Variants in TRIM24 observed in about 807,000 individuals in gnomAD.
TRIM24 encodes the protein tripartite motif containing 24.
A neutral mutation model predicts 123.9 loss-of-function variants in TRIM24; 29 were observed. That is an observed-to-expected ratio of 0.23 (90% CI 0.17 to 0.32). The LOEUF is 0.32. TRIM24 is among the 10% of genes least tolerant of loss of function. The probability of loss-of-function intolerance (pLI) is 1.00; values close to 1 mark genes in which losing one functional copy is unlikely to be tolerated. For missense variants in TRIM24, 932 were observed against 1,295.3 expected, an observed-to-expected ratio of 0.72 and a Z score of 4.31; for synonymous variants, 456 against 461.1, an observed-to-expected ratio of 0.99 and a Z score of 0.14.
At chr7:138,502,586 C>T (rs1796064973) in intron 1 of TRIM24, among the ~76,000 whole-genome samples, 1 of 152,252 alleles carries the variant, frequency 6.6e-6, no homozygotes, top group East Asian at 1.9e-4. Context: ...TATGTGACCA[C>T]GGGCCAGTCG....
chr7:138,555,356 C>T (rs1797294354), intron 9 of TRIM24, among the ~76,000 whole-genome samples: 1 of 152,124 alleles, frequency 6.6e-6, no homozygotes, highest in Non-Finnish European at 1.5e-5. Context: ...AACCACATTG[C>T]ATCTTAGAAA....
chr7:138,530,715 G>A (rs1796714146), intron 6 of TRIM24, among the ~76,000 whole-genome samples: 1 of 151,774 alleles, frequency 6.6e-6, no homozygotes, highest in Non-Finnish European at 1.5e-5. Flanking sequence ...CAGTCTGTCT[G>A]CCTCAGCCTC....
At chr7:138,475,441 T>C (rs1795376189) in intron 1 of TRIM24, among the ~76,000 whole-genome samples, 1 of 152,202 alleles carries the variant, frequency 6.6e-6, no homozygotes, top group Non-Finnish European at 1.5e-5. Flanking sequence ...ATAGTGATAT[T>C]AGTAAATGGG....
intron 7 of TRIM24, among the ~76,000 whole-genome samples, chr7:138,549,641 GAGA>G (rs2116627683): frequency 6.6e-6 from 1 of 152,342 alleles, no homozygotes; most frequent in Admixed American, 6.5e-5. Flanking sequence ...GGAAGAATAG[GAGA>G]CGGTAAACCT....
chr7:138,588,130 A>G lies in TRIM24; in HGVS notation c.*3179A>G, dbSNP rs1468718065. The G allele has an allele frequency of 6.6e-6, 1 of 152,216 alleles. No homozygotes were observed. The highest frequency in any genetic ancestry group is 1.5e-5 in the Non-Finnish European group (1 of 68,048). The allele number at this position is 152,216 out of a possible 1,614,324, so 9.4% of individuals were successfully genotyped here. On this transcript the variant is annotated 3_prime_UTR_variant, in exon 19 of 19. Transcript: ENST00000343526. ...CAAAAAGGTTACCTCCATAGTCAAA[A>G]AAAGGGGGAGTATACAGCTGATTGT...
chr7:138,549,894 G>T (rs555758552), intron 7 of TRIM24, among the ~76,000 whole-genome samples: 1 of 152,086 alleles, frequency 6.6e-6, no homozygotes, highest in Non-Finnish European at 1.5e-5. Flanking sequence ...AAACATGGAC[G>T]TTTCATCATC....
At chr7:138,483,111 G>T (rs563046523) in intron 1 of TRIM24, among the ~76,000 whole-genome samples, 5 of 150,572 alleles carry the variant, frequency 3.3e-5, no homozygotes, top group African/African-American at 4.9e-5. Context: ...TAGCGGGGGG[G>T]GTCTCACTTT....
At chr7:138,485,205 T>C (rs1795617447) in intron 1 of TRIM24, among the ~76,000 whole-genome samples, 2 of 152,026 alleles carry the variant, frequency 1.3e-5, no homozygotes, top group Non-Finnish European at 2.9e-5. Context: ...TTTTGAGTAC[T>C]TTTTTTTACA....
At chr7:138,529,805 G>A (rs1584721220) in intron 6 of TRIM24, among the ~76,000 whole-genome samples, 1 of 152,114 alleles carries the variant, frequency 6.6e-6, no homozygotes, top group South Asian at 2.1e-4. Flanking sequence ...CAAACTTGGT[G>A]TTTGACTTCA....
intron 7 of TRIM24, 86 bp from the exon 8 acceptor site, chr7:138,550,977 A>G (rs1250853842): frequency 1.9e-6 from 2 of 1,026,662 alleles, no homozygotes; most frequent in East Asian, 2.4e-5. Flanking sequence ...GTATTGATGT[A>G]CATACCAGAG....
chr7:138,520,439 A>C, intron 4 of TRIM24, among the ~76,000 whole-genome samples: 1 of 152,258 alleles, frequency 6.6e-6, no homozygotes, highest in East Asian at 1.9e-4. Context: ...AACTTATTCA[A>C]TAATGAATTT....
At chr7:138,507,723 C>T (rs1346666919) in intron 2 of TRIM24, among the ~76,000 whole-genome samples, 4 of 151,972 alleles carry the variant, frequency 2.6e-5, no homozygotes, top group Non-Finnish European at 5.9e-5. Context: ...CCAGCCTGGG[C>T]AACATGGTGA....
rs538369129 is a variant in TRIM24, at chr7:138,578,760, A to G, written c.2257-444A>G. 3.9e-3 allele frequency among the ~76,000 whole-genome samples: 359 copies of G among 92,824 alleles called. 1 individual carries two copies. Among genetic ancestry groups the G allele is most frequent in the African/African-American group, 9.7e-3 (349 of 36,010 alleles). The allele number at this position is 92,824 out of a possible 152,430, so 60.9% of individuals were successfully genotyped here. On this transcript the variant is annotated intron_variant, in intron 14 of 18. Transcript: ENST00000343526. ...TTCCAAGGAATAAGTGCTTTTAACT[A>G]TATCTACATTTATTACTTTGAAATT...
At chr7:138,472,919 T>C (rs1378475517) in intron 1 of TRIM24, among the ~76,000 whole-genome samples, 2 of 152,158 alleles carry the variant, frequency 1.3e-5, no homozygotes, top group Non-Finnish European at 2.9e-5. Flanking sequence ...GTTAGTCAGG[T>C]TGAACTCCTG....
intron 7 of TRIM24, among the ~76,000 whole-genome samples, chr7:138,541,391 A>C (rs562891705): frequency 3.5e-4 from 53 of 152,270 alleles, no homozygotes; most frequent in Middle Eastern, 3.4e-3. Context: ...AATCTCATAT[A>C]TTTCCATGAG....
chr7:138,513,071 G>A (rs940439240), intron 2 of TRIM24, among the ~76,000 whole-genome samples: 1 of 152,118 alleles, frequency 6.6e-6, no homozygotes, highest in Non-Finnish European at 1.5e-5. Context: ...TAAAGCCAGG[G>A]GCACAGTCCA....
At chr7:138,514,315 C>T (rs1796349616) in intron 2 of TRIM24, 3 of 152,228 alleles carry the variant, frequency 2.0e-5, no homozygotes, top group Admixed American at 2.0e-4. Context: ...TTGTTCTCTA[C>T]ATTGTAGCCA....
At chr7:138,521,816 G>A (rs948619848) in intron 4 of TRIM24, among the ~76,000 whole-genome samples, 45 of 152,198 alleles carry the variant, frequency 3.0e-4, no homozygotes, top group African/African-American at 8.2e-4. Flanking sequence ...ATTATTTGAG[G>A]TAAAGAGGGA....
At chr7:138,560,375 T>C (rs1241700161) in intron 9 of TRIM24, among the ~76,000 whole-genome samples, 1 of 152,230 alleles carries the variant, frequency 6.6e-6, no homozygotes, top group Non-Finnish European at 1.5e-5. Flanking sequence ...TCACTTCTCA[T>C]GCTTTCTCTG....
Sources: allele counts gnomAD v4.1 joint callset (sites outside exome capture counted in the v4.1 genomes callset), GRCh38; gene constraint gnomAD v4.1.1; transcripts MANE v1.5; gene names NCBI Gene and HGNC (gene_info 2026-07-23, HGNC 2026-07-21).